The following KIRREL3 variants were observed in gnomAD, a reference collection of about 807,000 sequenced individuals.
KIRREL3 encodes kin of IRRE-like protein 3.
A neutral mutation model predicts 89.7 loss-of-function variants in KIRREL3; 36 were observed. The observed-to-expected ratio is 0.40, with a 90% CI of 0.31 to 0.53. KIRREL3 has a LOEUF of 0.53. Among genes scored for constraint, KIRREL3 ranks in the 20% least tolerant of loss-of-function variants. KIRREL3 has a pLI of 0.49. For missense variants in KIRREL3, 864 were observed against 1,056.6 expected, an observed-to-expected ratio of 0.82 and a Z score of 2.53; for synonymous variants, 445 against 441.4, an observed-to-expected ratio of 1.01 and a Z score of -0.10.
chr11:126,891,467 C>T lies in KIRREL3; in HGVS notation c.55+108988G>A, dbSNP rs557625660. Among the ~76,000 whole-genome samples the T allele has an allele frequency of 1.3e-5, 2 of 152,340 alleles. No individual in the cohort carries two copies. Among genetic ancestry groups the T allele is most frequent in the South Asian group, 4.1e-4 (2 of 4,830 alleles). On this transcript the variant is annotated intron_variant, in intron 1 of 16. Coordinates refer to ENST00000525144, the MANE Select transcript of KIRREL3 (RefSeq NM_032531.4). This position sits in a 1 kb window ranked among gnomAD's most constrained non-coding sequence, Gnocchi z 5.1. Reference sequence around the variant, plus strand: ...AGGCAAGAGGTGAGCCCATGTCCTACTAAATGCCTGCAAAGTGGCTGTCTT... The same window carrying T: ...AGGCAAGAGGTGAGCCCATGTCCTATTAAATGCCTGCAAAGTGGCTGTCTT...
rs1263525969 is a variant in KIRREL3, at chr11:126,948,694, G to A, written c.55+51761C>T. 6.6e-6 allele frequency among the ~76,000 whole-genome samples: 1 copy of A among 152,186 alleles called. No homozygotes were observed. The highest frequency in any genetic ancestry group is 1.5e-5 in the Non-Finnish European group (1 of 68,042). Reference sequence around the variant, plus strand: ...GGATTTCCACCTCCTCAGGGAGTCTGCCTTGACTGGATGGAAATACAAGGT... The same window carrying A: ...GGATTTCCACCTCCTCAGGGAGTCTACCTTGACTGGATGGAAATACAAGGT... On this transcript the variant is annotated intron_variant, in intron 1 of 16. Transcript: ENST00000525144. This position sits in a 1 kb window ranked among gnomAD's most constrained non-coding sequence, Gnocchi z 4.5.
chr11:126,769,180 T>C lies in KIRREL3; in HGVS notation c.56-206268A>G, dbSNP rs1424198408. On this transcript the variant is annotated intron_variant, in intron 1 of 16. Transcript: ENST00000525144. This position sits in a 1 kb window ranked among gnomAD's most constrained non-coding sequence, Gnocchi z 4.3. Reference sequence around the variant, plus strand: ...CATCTCTGCCAGTCACTGCTTTCCCTTCCTCCTACGCTTTCAACACATCTC... The same window carrying C: ...CATCTCTGCCAGTCACTGCTTTCCCCTCCTCCTACGCTTTCAACACATCTC... Among the ~76,000 whole-genome samples, 1 of 152,172 alleles carries C rather than the reference T, an allele frequency of 6.6e-6. No individual in the cohort carries two copies. The highest frequency in any genetic ancestry group is 2.4e-5 in the African/African-American group (1 of 41,444).
chr11:126,487,194 G>T (rs1421599168), intron 4 of KIRREL3, among the ~76,000 whole-genome samples: 1 of 152,212 alleles, frequency 6.6e-6, no homozygotes, highest in Non-Finnish European at 1.5e-5. Context: ...GCATGCATTT[G>T]TTCCATATCT....
intron 1 of KIRREL3, among the ~76,000 whole-genome samples, chr11:126,692,926 C>T (rs1377544531): frequency 1.3e-5 from 2 of 152,234 alleles, no homozygotes; most frequent in Non-Finnish European, 1.5e-5. Context: ...TCCCTTGGAT[C>T]TGAGCTGGCC....
intron 1 of KIRREL3, among the ~76,000 whole-genome samples, chr11:126,959,963 T>A (rs2135177282): frequency 6.6e-6 from 1 of 152,312 alleles, no homozygotes; most frequent in Non-Finnish European, 1.5e-5. Context: ...GTACTCCTTC[T>A]GGGTAGGAAT....
At chr11:126,787,604 A>G (rs192970548) in intron 1 of KIRREL3, among the ~76,000 whole-genome samples, 45 of 152,282 alleles carry the variant, frequency 3.0e-4, no homozygotes, top group African/African-American at 1.0e-3. Flanking sequence ...ATGAATGTAA[A>G]TGTTCTTTCA....
Position 126,816,769 on chromosome 11 carries a change from T to C in KIRREL3, c.55+183686A>G, listed in dbSNP as rs550952231. Among the ~76,000 whole-genome samples, 6 of 152,318 alleles carry C rather than the reference T, an allele frequency of 3.9e-5. No individual in the cohort carries two copies. In the South Asian group the frequency reaches 6.2e-4, roughly 16 times the overall value. On this transcript the variant is annotated intron_variant, in intron 1 of 16. Coordinates refer to ENST00000525144, the MANE Select transcript of KIRREL3 (RefSeq NM_032531.4). ...TCTTTGCGCCAAAGCCTGGTCTCCA[T>C]GTTGTTACAGACCAAAGCCACTCTG...
chr11:126,923,271 TTCTC>T lies in KIRREL3; in HGVS notation c.55+77180_55+77183del, dbSNP rs1565424320. Among the ~76,000 whole-genome samples, 49 of 107,038 alleles carry T rather than the reference TTCTC, an allele frequency of 4.6e-4. 4 individuals are homozygous for T. Among genetic ancestry groups the T allele is most frequent in the African/African-American group, 9.9e-4 (25 of 25,194 alleles). The allele number at this position is 107,038 out of a possible 152,430, so 70.2% of individuals were successfully genotyped here. A position where few individuals can be genotyped will look rare whatever the true frequency, so the allele number is the denominator to read the frequency against. On this transcript the variant is annotated intron_variant, in intron 1 of 16. Coordinates refer to ENST00000525144, the MANE Select transcript of KIRREL3 (RefSeq NM_032531.4). ...CTTCTTCTTCTTCTTCTTCTTCTCC[TTCTC>T]CTTCTCCTTCTCCTTCTCCTTCTTC...
chr11:126,502,240 T>C (rs1409579389), intron 4 of KIRREL3, among the ~76,000 whole-genome samples: 2 of 152,222 alleles, frequency 1.3e-5, no homozygotes, highest in Admixed American at 1.3e-4. Flanking sequence ...GCAGATCTCA[T>C]GCTGCCTAGC....
rs1039366830 is a variant in KIRREL3, at chr11:126,981,574, C to T, written c.55+18881G>A. Among the ~76,000 whole-genome samples the T allele has an allele frequency of 6.6e-6, 1 of 152,196 alleles. No homozygotes were observed. The highest frequency in any genetic ancestry group is 1.5e-5 in the Non-Finnish European group (1 of 68,034). ...ACCACCCGACTCTATGAAGCAAAGG[C>T]AAGGAGGTATTTCTTAATCTGAGAA... is the stretch of plus-strand genomic sequence containing the variant. On this transcript the variant is annotated intron_variant, in intron 1 of 16. Transcript: ENST00000525144. The surrounding 1 kb of genome is among the most constrained non-coding windows in gnomAD (Gnocchi z 4.2).
At chr11:126,746,877 G>T (rs1252032701) in intron 1 of KIRREL3, among the ~76,000 whole-genome samples, 1 of 152,178 alleles carries the variant, frequency 6.6e-6, no homozygotes, top group African/African-American at 2.4e-5. Flanking sequence ...CTCCCCTTGA[G>T]ATTCTGGTTC....
intron 4 of KIRREL3, among the ~76,000 whole-genome samples, chr11:126,504,675 T>A (rs1361939955): frequency 1.3e-5 from 2 of 152,216 alleles, no homozygotes; most frequent in East Asian, 3.8e-4. Flanking sequence ...CAGTGTTACC[T>A]GATACTAAAG....
intron 1 of KIRREL3, among the ~76,000 whole-genome samples, chr11:126,774,729 G>A (rs1356288417): frequency 6.6e-6 from 1 of 152,164 alleles, no homozygotes; most frequent in Non-Finnish European, 1.5e-5. Context: ...CTAAGCCCAT[G>A]GGCTGGGTTG....
chr11:126,979,054 A>G (rs1949654793), intron 1 of KIRREL3, among the ~76,000 whole-genome samples: 1 of 152,212 alleles, frequency 6.6e-6, no homozygotes, highest in South Asian at 2.1e-4. Context: ...TGAAAAGCGC[A>G]AACTCTCAGA....
At position 126,906,041 on chromosome 11, in the gene KIRREL3, T is replaced by C. The variant is rs746423561; in HGVS notation, c.55+94414A>G. ...GAAGCAGATGCTTTGTAGAACAAAA[T>C]GCCAGGCCGACTTCAAGGCCGGGAG... is the stretch of plus-strand genomic sequence containing the variant. On this transcript the variant is annotated intron_variant, in intron 1 of 16. Coordinates refer to ENST00000525144, the MANE Select transcript of KIRREL3 (RefSeq NM_032531.4). The surrounding 1 kb of genome is among the most constrained non-coding windows in gnomAD (Gnocchi z 4.1). Among the ~76,000 whole-genome samples the C allele has an allele frequency of 5.9e-5, 9 of 152,204 alleles. No individual in the cohort carries two copies. Among genetic ancestry groups the C allele is most frequent in the Non-Finnish European group, 1.2e-4 (8 of 68,044 alleles).
rs1201433312 is a variant in KIRREL3, at chr11:126,752,892, C to T, written c.56-189980G>A. On this transcript the variant is annotated intron_variant, in intron 1 of 16. Transcript: ENST00000525144. The surrounding 1 kb of genome is among the most constrained non-coding windows in gnomAD (Gnocchi z 4.8). ...CTCTTCTTTGTATAAAACATGTGCC[C>T]TTTGTTGAAGGAAGTGGTAGCAGGC... 6.6e-6 allele frequency among the ~76,000 whole-genome samples: 1 copy of T among 152,104 alleles called. No individual in the cohort carries two copies. Among genetic ancestry groups the T allele is most frequent in the African/African-American group, 2.4e-5 (1 of 41,394 alleles).
At chr11:126,794,785 A>G (rs1950752173) in intron 1 of KIRREL3, among the ~76,000 whole-genome samples, 1 of 152,200 alleles carries the variant, frequency 6.6e-6, no homozygotes, top group South Asian at 2.1e-4. Flanking sequence ...GTCCACCTAA[A>G]AACTTCCATA....
rs1955036656 is a variant in KIRREL3, at chr11:126,429,044, A to G, written c.1806+135T>C. On this transcript the variant is annotated intron_variant, in intron 15 of 16. Transcript: ENST00000525144. The surrounding 1 kb of genome is among the most constrained non-coding windows in gnomAD (Gnocchi z 5.2). The stretch of plus-strand genomic sequence containing the variant: ...TTGGCTGAGAGTGTGTGCCTCACCT[A>G]TTGTGGGGTGGGCAGGGGGCATCTT... 1.6e-6 allele frequency: 1 copy of G among 624,382 alleles called. No homozygotes were observed. Among genetic ancestry groups the G allele is most frequent in the African/African-American group, 1.8e-5 (1 of 54,398 alleles). The allele number at this position is 624,382 out of a possible 1,614,324, so 38.7% of individuals were successfully genotyped here.
chr11:126,871,044 C>T (rs1170388241), intron 1 of KIRREL3, among the ~76,000 whole-genome samples: 1 of 152,192 alleles, frequency 6.6e-6, no homozygotes, highest in Admixed American at 6.5e-5. Context: ...ACATCAAGAG[C>T]ATCCACGGAG....
Sources: allele counts gnomAD v4.1 joint callset (sites outside exome capture counted in the v4.1 genomes callset), GRCh38; gene constraint gnomAD v4.1.1; non-coding constraint Gnocchi (gnomAD v3.1); transcripts MANE v1.5; gene names NCBI Gene and HGNC (gene_info 2026-07-23, HGNC 2026-07-21).